Variants in TMEM117 observed in about 807,000 individuals in gnomAD.
TMEM117 encodes the protein transmembrane protein 117.
In TMEM117, 27 loss-of-function variants were observed where a neutral mutation model predicts 52.4. The observed-to-expected ratio is 0.51, with a 90% CI of 0.38 to 0.71. The LOEUF (loss-of-function observed/expected upper bound fraction) is 0.71, where lower values mean the gene tolerates loss of function less well. TMEM117 is among the 30% of genes least tolerant of loss of function. The pLI, the probability that TMEM117 is intolerant of heterozygous loss-of-function variation, is 0.00. For missense variants in TMEM117, 556 were observed against 630.5 expected, an observed-to-expected ratio of 0.88 and a Z score of 1.26; for synonymous variants, 215 against 206.3, an observed-to-expected ratio of 1.04 and a Z score of -0.36.
chr12:44,340,233 G>A (rs1017736246), intron 6 of TMEM117, among the ~76,000 whole-genome samples: 5 of 152,166 alleles, frequency 3.3e-5, no homozygotes, highest in East Asian at 3.9e-4. Flanking sequence ...TAAAGATGAC[G>A]TAAATGAAGT....
chr12:43,964,553 C>T (rs1592398314), intron 3 of TMEM117, among the ~76,000 whole-genome samples: 2 of 152,284 alleles, frequency 1.3e-5, no homozygotes, highest in South Asian at 2.1e-4. Flanking sequence ...TATGGCTTGA[C>T]ATAAAAGGTG....
intron 4 of TMEM117, among the ~76,000 whole-genome samples, chr12:44,165,025 C>A (rs926061128): frequency 8.6e-5 from 13 of 152,032 alleles, no homozygotes; most frequent in Non-Finnish European, 1.6e-4. Flanking sequence ...TTTCTTCTAT[C>A]TGTACATTTG....
At chr12:43,984,196 C>T (rs367581952) in intron 3 of TMEM117, among the ~76,000 whole-genome samples, 74 of 152,122 alleles carry the variant, frequency 4.9e-4, no homozygotes, top group Admixed American at 1.2e-3. Flanking sequence ...GGTGAAACCC[C>T]GTCTCTACTA....
chr12:44,370,416 CGTTT>C (rs1565766337), intron 6 of TMEM117, among the ~76,000 whole-genome samples: 1 of 151,356 alleles, frequency 6.6e-6, no homozygotes, highest in East Asian at 1.9e-4. Context: ...TGATGTATAA[CGTTT>C]ATTTACAAAA....
chr12:44,079,015 A>G (rs1008590198), intron 3 of TMEM117, among the ~76,000 whole-genome samples: 2 of 152,038 alleles, frequency 1.3e-5, no homozygotes, highest in Admixed American at 6.6e-5. Context: ...TTCCAGCTTC[A>G]TCTATGTCCC....
chr12:44,328,235 T>C (rs896756487), intron 6 of TMEM117, among the ~76,000 whole-genome samples: 1 of 152,228 alleles, frequency 6.6e-6, no homozygotes, highest in African/African-American at 2.4e-5. Context: ...CCCTCTAGAA[T>C]ATGAACTCCT....
intron 5 of TMEM117, 143 bp downstream of exon 5, chr12:44,211,530 C>G (rs1449188842): frequency 3.5e-6 from 2 of 563,426 alleles, no homozygotes; most frequent in Non-Finnish European, 6.2e-6. Flanking sequence ...AACCATTATC[C>G]TAATTATTTT....
At chr12:44,376,513 C>A in intron 6 of TMEM117, 82 bp from the exon 7 acceptor site, 1 of 1,522,258 alleles carries the variant, frequency 6.6e-7, no homozygotes, top group Non-Finnish European at 8.9e-7. Flanking sequence ...AAAATAAGTG[C>A]TTATAAAAAG....
intron 3 of TMEM117, among the ~76,000 whole-genome samples, chr12:44,023,169 G>A (rs1458364736): frequency 6.6e-6 from 1 of 152,128 alleles, no homozygotes; most frequent in East Asian, 1.9e-4. Flanking sequence ...ATTTTTTATG[G>A]CTGCATAGTA....
intron 3 of TMEM117, among the ~76,000 whole-genome samples, chr12:44,033,305 C>A (rs1232756819): frequency 6.6e-6 from 1 of 152,074 alleles, no homozygotes; most frequent in Non-Finnish European, 1.5e-5. Flanking sequence ...AACTAGCAGC[C>A]CTCTGGGCTG....
At chr12:44,369,786 G>T (rs1951837715) in intron 6 of TMEM117, among the ~76,000 whole-genome samples, 1 of 152,148 alleles carries the variant, frequency 6.6e-6, no homozygotes, top group Non-Finnish European at 1.5e-5. Context: ...AGAAAGTCTA[G>T]ATTTTTCTCC....
At chr12:44,106,686 A>G (rs1947960060) in intron 3 of TMEM117, among the ~76,000 whole-genome samples, 1 of 151,960 alleles carries the variant, frequency 6.6e-6, no homozygotes, top group East Asian at 1.9e-4. Flanking sequence ...AAAATTATGT[A>G]TCTGGGAAAA....
intron 5 of TMEM117, among the ~76,000 whole-genome samples, chr12:44,267,124 T>C (rs1037222602): frequency 3.3e-5 from 5 of 152,140 alleles, no homozygotes; most frequent in Non-Finnish European, 5.9e-5. Flanking sequence ...ATCTTAACGG[T>C]GTTAAATCTT....
At chr12:44,376,797 G>C in intron 7 of TMEM117, 73 bp downstream of exon 7, 7 of 1,457,828 alleles carry the variant, frequency 4.8e-6, no homozygotes, top group Admixed American at 5.0e-5. Flanking sequence ...GCTGTAAAAA[G>C]CAAGCCATAA....
At chr12:44,398,646 C>T in the TMEM117 span, among the ~76,000 whole-genome samples, 1 of 152,136 alleles carries the variant, frequency 6.6e-6, no homozygotes, top group Admixed American at 6.5e-5. Context: ...TGAGAACAGG[C>T]CTAACTGCTG....
At chr12:43,917,794 C>T (rs1944630137) in intron 2 of TMEM117, among the ~76,000 whole-genome samples, 1 of 152,018 alleles carries the variant, frequency 6.6e-6, no homozygotes, top group Non-Finnish European at 1.5e-5. Flanking sequence ...GATTTATAAA[C>T]TCATAGAAGG....
chr12:43,887,246 A>T (rs1340546457), intron 2 of TMEM117, among the ~76,000 whole-genome samples: 1 of 152,202 alleles, frequency 6.6e-6, no homozygotes, highest in Non-Finnish European at 1.5e-5. Flanking sequence ...ACAAAGCTAG[A>T]ATCCAGTGCT....
intron 3 of TMEM117, among the ~76,000 whole-genome samples, chr12:44,122,172 G>A (rs189135966): frequency 1.1e-3 from 165 of 151,656 alleles, no homozygotes; most frequent in African/African-American, 3.8e-3. Context: ...AGCCTCCCGA[G>A]TAGCTGGGAT....
chr12:44,094,281 G>T (rs764821508), intron 3 of TMEM117, among the ~76,000 whole-genome samples: 1 of 152,056 alleles, frequency 6.6e-6, no homozygotes, highest in South Asian at 2.1e-4. Flanking sequence ...ATCTCTGTGT[G>T]GTGCATGTCA....
Sources: allele counts gnomAD v4.1 joint callset (sites outside exome capture counted in the v4.1 genomes callset), GRCh38; gene constraint gnomAD v4.1.1; transcripts MANE v1.5; gene names NCBI Gene and HGNC (gene_info 2026-07-23, HGNC 2026-07-21).